Variants in CNTNAP2 observed in about 807,000 individuals in gnomAD.
CNTNAP2 encodes contactin-associated protein-like 2.
In CNTNAP2, 98 loss-of-function variants were observed where a neutral mutation model predicts 155.2. The ratio of observed to expected loss-of-function variants is 0.63; its 90% CI spans 0.54 to 0.75. The LOEUF (loss-of-function observed/expected upper bound fraction) is 0.75. Ranked by LOEUF, CNTNAP2 falls within the 30% of genes least tolerant of loss-of-function variation. The pLI, the probability that CNTNAP2 is intolerant of heterozygous loss-of-function variation, is 0.00. For synonymous variants in CNTNAP2, 651 were observed against 631.2 expected, an observed-to-expected ratio of 1.03 and a Z score of -0.47; for missense variants, 1,727 against 1,688.1, an observed-to-expected ratio of 1.02 and a Z score of -0.40.
rs1242987222 is a variant in CNTNAP2 at position 147,934,773 on chromosome 7, GT to G, written c.2255+31053del. On this transcript the variant is annotated intron_variant, in intron 14 of 23. Coordinates refer to ENST00000361727, the MANE Select transcript of CNTNAP2 (RefSeq NM_014141.6). Reference sequence around the variant, plus strand: ...CTTTAAATGAATATAACAGGTTCTTGTAGATAACTCATATACAGAGATCCAA... The same window carrying G: ...CTTTAAATGAATATAACAGGTTCTTGAGATAACTCATATACAGAGATCCAA... Among the ~76,000 whole-genome samples, 3 of 152,272 alleles carry G rather than the reference GT, an allele frequency of 2.0e-5. No individual in the cohort carries two copies. The East Asian group carries it at 5.8e-4, about 29-fold the overall frequency.
At chr7:146,919,870 AGTT>A (rs1291107560) in intron 3 of CNTNAP2, among the ~76,000 whole-genome samples, 2 of 152,114 alleles carry the variant, frequency 1.3e-5, no homozygotes, top group Non-Finnish European at 2.9e-5. Flanking sequence ...TTCCTGCAGT[AGTT>A]CTTGGAGCAC....
chr7:146,457,297 A>G (rs2129123683), intron 1 of CNTNAP2, among the ~76,000 whole-genome samples: 1 of 151,912 alleles, frequency 6.6e-6, no homozygotes, highest in South Asian at 2.1e-4. Flanking sequence ...CATAAACTAT[A>G]GATAGTTATG....
intron 13 of CNTNAP2, among the ~76,000 whole-genome samples, chr7:147,874,543 G>C (rs1227530367): frequency 6.6e-6 from 1 of 152,298 alleles, no homozygotes; most frequent in Non-Finnish European, 1.5e-5. Context: ...ACACAGCAGG[G>C]GGGCCCTGGG....
At chr7:146,569,546 C>T (rs12532419) in intron 1 of CNTNAP2, among the ~76,000 whole-genome samples, 112,583 of 152,138 alleles carry the variant, frequency 0.74, 42,160 homozygotes, top group South Asian at 0.86. Context: ...TCCTTTCCAA[C>T]GCTCTGATTA....
intron 1 of CNTNAP2, among the ~76,000 whole-genome samples, chr7:146,244,065 G>A (rs577046221): frequency 8.1e-4 from 124 of 152,186 alleles, no homozygotes; most frequent in Admixed American, 2.0e-3. Context: ...ATTGGTGATG[G>A]CCTGGATACG....
intron 12 of CNTNAP2, among the ~76,000 whole-genome samples, chr7:147,633,093 G>A (rs1322313347): frequency 6.6e-6 from 1 of 152,228 alleles, no homozygotes. Context: ...AGAGGCCTAG[G>A]AGGGAAAAAT....
chr7:146,263,673 A>G (rs1415635319), intron 1 of CNTNAP2, among the ~76,000 whole-genome samples: 1 of 152,364 alleles, frequency 6.6e-6, no homozygotes, highest in East Asian at 1.9e-4. Flanking sequence ...ACTTACAAGT[A>G]GAGAACGGAA....
At chr7:146,869,459 A>T (rs1490915153) in intron 3 of CNTNAP2, among the ~76,000 whole-genome samples, 1 of 152,082 alleles carries the variant, frequency 6.6e-6, no homozygotes, top group Non-Finnish European at 1.5e-5. Context: ...AGAACTGAAT[A>T]GGATGTATGT....
chr7:146,539,707 C>G (rs1797922534), intron 1 of CNTNAP2, among the ~76,000 whole-genome samples: 1 of 152,002 alleles, frequency 6.6e-6, no homozygotes, highest in Admixed American at 6.6e-5. Context: ...TCTCCAACTC[C>G]TGGTTTAAAA....
chr7:146,612,177 A>C (rs1799149379), intron 1 of CNTNAP2, among the ~76,000 whole-genome samples: 1 of 152,122 alleles, frequency 6.6e-6, no homozygotes, highest in Non-Finnish European at 1.5e-5. Context: ...TCCCTAGTAG[A>C]TACGACAAAC....
At chr7:146,319,127 T>C (rs1031317014) in intron 1 of CNTNAP2, among the ~76,000 whole-genome samples, 1 of 152,130 alleles carries the variant, frequency 6.6e-6, no homozygotes, top group Non-Finnish European at 1.5e-5. Context: ...TTCTCCATGA[T>C]AAGATGTGGC....
At chr7:147,496,139 T>C (rs1035198001) in intron 11 of CNTNAP2, among the ~76,000 whole-genome samples, 3 of 152,128 alleles carry the variant, frequency 2.0e-5, no homozygotes, top group Non-Finnish European at 2.9e-5. Context: ...AGTTGTATGA[T>C]TATTTCATTA....
intron 21 of CNTNAP2, among the ~76,000 whole-genome samples, chr7:148,314,115 G>A (rs192583460): frequency 6.6e-6 from 1 of 152,036 alleles, no homozygotes; most frequent in African/African-American, 2.4e-5. Flanking sequence ...AACCTAGCTC[G>A]ACCTGGCAAG....
chr7:147,330,103 AC>A (rs1795530953), intron 9 of CNTNAP2, among the ~76,000 whole-genome samples: 1 of 152,076 alleles, frequency 6.6e-6, no homozygotes, highest in Non-Finnish European at 1.5e-5. Flanking sequence ...GAGGCTGGTC[AC>A]CAGAAAGACC....
chr7:147,975,329 T>G (rs7780918), intron 14 of CNTNAP2, among the ~76,000 whole-genome samples: 13 of 151,682 alleles, frequency 8.6e-5, no homozygotes, highest in East Asian at 1.9e-4. Flanking sequence ...GCATGGGGGG[T>G]GCTTCTAGGG....
chr7:148,284,696 G>C (rs1797050517), intron 21 of CNTNAP2, among the ~76,000 whole-genome samples: 1 of 151,802 alleles, frequency 6.6e-6, no homozygotes, highest in Non-Finnish European at 1.5e-5. Flanking sequence ...CCGTGGAAGG[G>C]GAACATAACA....
intron 8 of CNTNAP2, among the ~76,000 whole-genome samples, chr7:147,259,353 A>G (rs1054574279): frequency 2.6e-5 from 4 of 152,212 alleles, no homozygotes; most frequent in Admixed American, 1.3e-4. Context: ...TGTATTACCA[A>G]TACATCTGTC....
chr7:147,374,174 C>T (rs1261452742), intron 9 of CNTNAP2, among the ~76,000 whole-genome samples: 1 of 151,830 alleles, frequency 6.6e-6, no homozygotes, highest in Non-Finnish European at 1.5e-5. Flanking sequence ...TTTTTTCTTA[C>T]TTAAACATAT....
chr7:146,559,546 C>A (rs1440502784), intron 1 of CNTNAP2, among the ~76,000 whole-genome samples: 1 of 151,656 alleles, frequency 6.6e-6, no homozygotes, highest in African/African-American at 2.4e-5. Context: ...TCCAGCCTGG[C>A]AACAGAGCAA....
Sources: gnomAD v4.1 joint callset for allele counts (sites outside exome capture counted in the v4.1 genomes callset) on GRCh38, gnomAD v4.1.1 for gene constraint, MANE v1.5 for transcripts, NCBI Gene and HGNC (gene_info 2026-07-23, HGNC 2026-07-21) for gene names.